Variants in GMDS observed in about 807,000 individuals in gnomAD.
GMDS encodes GDP-mannose 4,6-dehydratase.
Under a neutral mutation model 49.9 loss-of-function variants are expected in GMDS, and 20 were observed. The observed-to-expected ratio is 0.40, with a 90% CI of 0.28 to 0.58. GMDS has a LOEUF of 0.58. Among genes scored for constraint, GMDS ranks in the 20% least tolerant of loss-of-function variants. The pLI, the probability that GMDS is intolerant of heterozygous loss-of-function variation, is 0.42. For synonymous variants in GMDS, 177 were observed against 178.6 expected (o/e 0.99, Z 0.07); for missense variants, 362 against 481.4 (o/e 0.75, Z 2.32).
chr6:1,996,534 G>A (rs1384900168), intron 4 of GMDS, among the ~76,000 whole-genome samples: 1 of 152,106 alleles, frequency 6.6e-6, no homozygotes, highest in African/African-American at 2.4e-5. Context: ...AGACAGGAAG[G>A]GCTAGCGTAG....
rs115834221 is a variant in GMDS at position 2,035,445 on chromosome 6, A to G, written c.346-74479T>C. On this transcript the variant is annotated intron_variant, in intron 4 of 10. Transcript: ENST00000380815. ...CCTGATTTTCCAAGGATTCACCACT[A>G]TACATCTCCCACATCTTGTGTCTCA... Among the ~76,000 whole-genome samples the G allele has an allele frequency of 4.8e-3, 727 of 152,182 alleles. 1 individual carries two copies. The highest frequency in any genetic ancestry group is 0.01 in the Middle Eastern group (3 of 292).
rs1050346099 is a variant in GMDS at position 2,143,427 on chromosome 6, A to G, written c.103-18696T>C. 1.2e-4 allele frequency among the ~76,000 whole-genome samples: 18 copies of G among 152,316 alleles called. 1 individual carries two copies. Among genetic ancestry groups the G allele is most frequent in the African/African-American group, 4.3e-4 (18 of 41,568 alleles). On this transcript the variant is annotated intron_variant, in intron 1 of 10. Coordinates refer to ENST00000380815, the MANE Select transcript of GMDS (RefSeq NM_001500.4). ...CATCCCCATCATCTGGGCAGTGTCC[A>G]TGGTCTTCCTGCCCCAGCATCCAGG...
intron 4 of GMDS, among the ~76,000 whole-genome samples, chr6:2,018,351 G>A (rs149848861): frequency 5.3e-5 from 8 of 152,258 alleles, no homozygotes; most frequent in Non-Finnish European, 1.0e-4. Flanking sequence ...AACATACCAC[G>A]TAATTCACCC....
At chr6:2,057,386 A>G (rs1770841835) in intron 4 of GMDS, among the ~76,000 whole-genome samples, 1 of 152,248 alleles carries the variant, frequency 6.6e-6, no homozygotes, top group African/African-American at 2.4e-5. Flanking sequence ...TGACACTTAC[A>G]TCACTGTTTT....
chr6:1,968,266 T>A, intron 4 of GMDS, among the ~76,000 whole-genome samples: 1 of 152,216 alleles, frequency 6.6e-6, no homozygotes, highest in East Asian at 1.9e-4. Flanking sequence ...TATTAGATGA[T>A]TACAAGAGAA....
chr6:1,677,021 A>AT (rs201521786), intron 9 of GMDS, among the ~76,000 whole-genome samples: 10,302 of 152,322 alleles, frequency 0.068, 392 homozygotes, highest in South Asian at 0.12. Flanking sequence ...AATGTTTGCA[A>AT]TCTACCCATC....
intron 4 of GMDS, among the ~76,000 whole-genome samples, chr6:2,010,324 C>T (rs1318557989): frequency 3.4e-5 from 4 of 118,580 alleles, no homozygotes; most frequent in Non-Finnish European, 5.4e-5. Flanking sequence ...AAGACTCCAT[C>T]TCAAAAAAAA....
intron 9 of GMDS, chr6:1,625,127 C>G (rs1230185729): frequency 1.3e-5 from 2 of 152,168 alleles, no homozygotes; most frequent in African/African-American, 4.8e-5. Flanking sequence ...CTCTTTCTAA[C>G]GCGGCCGTGG....
chr6:1,992,805 G>A (rs569356506), intron 4 of GMDS, among the ~76,000 whole-genome samples: 2 of 152,268 alleles, frequency 1.3e-5, no homozygotes, highest in African/African-American at 4.8e-5. Flanking sequence ...CCCAAACACT[G>A]AGGGCCAGTG....
intron 7 of GMDS, among the ~76,000 whole-genome samples, chr6:1,840,117 A>G (rs756043539): frequency 3.5e-4 from 54 of 152,230 alleles, no homozygotes; most frequent in Non-Finnish European, 6.5e-4. Flanking sequence ...AAACCAGTGC[A>G]CTTCAAATGT....
chr6:1,908,097 C>T (rs1431681676), intron 7 of GMDS, among the ~76,000 whole-genome samples: 1 of 152,112 alleles, frequency 6.6e-6, no homozygotes, highest in African/African-American at 2.4e-5. Context: ...TACAATACTT[C>T]AACAGTCAAT....
intron 4 of GMDS, among the ~76,000 whole-genome samples, chr6:1,977,766 C>A (rs1033985321): frequency 1.6e-4 from 25 of 152,164 alleles, no homozygotes; most frequent in Non-Finnish European, 3.2e-4. Context: ...ATCAGGAGAT[C>A]CCCTCGTGAG....
At chr6:1,633,508 G>A (rs182631621) in intron 9 of GMDS, among the ~76,000 whole-genome samples, 10 of 152,292 alleles carry the variant, frequency 6.6e-5, no homozygotes. Flanking sequence ...ATGGGAGTGC[G>A]AGGGAGCGAC....
intron 9 of GMDS, among the ~76,000 whole-genome samples, chr6:1,720,036 T>C (rs562413689): frequency 6.6e-6 from 1 of 152,234 alleles, no homozygotes; most frequent in Admixed American, 6.5e-5. Flanking sequence ...GACTTAAGGA[T>C]AAATCAAAAA....
intron 4 of GMDS, among the ~76,000 whole-genome samples, chr6:2,001,832 T>C (rs755939430): frequency 7.9e-5 from 12 of 152,280 alleles, no homozygotes; most frequent in Non-Finnish European, 1.5e-4. Flanking sequence ...ACTGGAGAGC[T>C]ACATGTAAAA....
intron 9 of GMDS, among the ~76,000 whole-genome samples, chr6:1,669,249 T>G (rs1039215121): frequency 3.3e-5 from 5 of 152,164 alleles, no homozygotes; most frequent in African/African-American, 1.2e-4. Flanking sequence ...GGGTGCTTTT[T>G]GGGAATTTCA....
At chr6:1,855,939 G>GT (rs1275573746) in intron 7 of GMDS, among the ~76,000 whole-genome samples, 7 of 152,190 alleles carry the variant, frequency 4.6e-5, no homozygotes, top group African/African-American at 1.4e-4. Flanking sequence ...GATTCTGACC[G>GT]TGACAAATTG....
intron 9 of GMDS, among the ~76,000 whole-genome samples, chr6:1,699,957 C>T (rs1032120049): frequency 1.3e-5 from 2 of 152,204 alleles, no homozygotes; most frequent in Admixed American, 6.5e-5. Context: ...CTCAGCATCT[C>T]ACCCATGTTC....
At chr6:2,218,543 CAAATA>C (rs1328393079) in intron 1 of GMDS, among the ~76,000 whole-genome samples, 1 of 152,156 alleles carries the variant, frequency 6.6e-6, no homozygotes, top group Non-Finnish European at 1.5e-5. Flanking sequence ...TTCACTTTTG[CAAATA>C]TACTATGATA....
Sources: allele counts gnomAD v4.1 joint callset (sites outside exome capture counted in the v4.1 genomes callset), GRCh38; gene constraint gnomAD v4.1.1; transcripts MANE v1.5; gene names NCBI Gene and HGNC (gene_info 2026-07-23, HGNC 2026-07-21).